RYR1: variants seen among roughly 807,000 people sequenced by gnomAD.
RYR1 encodes the protein ryanodine receptor 1.
In RYR1, 342 loss-of-function variants were observed where a neutral mutation model predicts 583.5. That is an observed-to-expected ratio of 0.59 (90% CI 0.54 to 0.64). The LOEUF (loss-of-function observed/expected upper bound fraction) is 0.64. Ranked by LOEUF, RYR1 falls within the 30% of genes least tolerant of loss-of-function variation. The pLI, the probability that RYR1 is intolerant of heterozygous loss-of-function variation, is 0.00. For synonymous variants in RYR1, 2,791 were observed against 2,822.5 expected, an observed-to-expected ratio of 0.99 and a Z score of 0.35; for missense variants, 6,032 against 6,917.2, an observed-to-expected ratio of 0.87 and a Z score of 4.54.
rs1346649518 is a variant in RYR1 at position 38,442,406 on chromosome 19, C to A, written c.223C>A (p.Arg75=). 6.2e-7 allele frequency: 1 copy of A among 1,613,246 alleles called. No individual in the cohort carries two copies. Among genetic ancestry groups the A allele is most frequent in the African/African-American group, 1.3e-5 (1 of 74,720 alleles). ...CFVLEQSLSV[R]ALQEMLANTV... Reference sequence around the variant, plus strand: ...CGTCCTGGAGCAGTCCCTGTCTGTGCGAGCCCTGCAGGAGATGCTGGCTAA... The same window carrying A: ...CGTCCTGGAGCAGTCCCTGTCTGTGAGAGCCCTGCAGGAGATGCTGGCTAA... The change falls in exon 3 of 106, where the codon CGA becomes AGA. Residue 75 remains arginine, a synonymous_variant. Coordinates refer to ENST00000359596, the MANE Select transcript of RYR1 (RefSeq NM_000540.3).
At position 38,469,002 on chromosome 19, in the gene RYR1, C is replaced by T. The variant is rs193922776; in HGVS notation, c.3418C>T (p.Arg1140Cys). 14 of 1,614,024 alleles carry T rather than the reference C, an allele frequency of 8.7e-6. No individual in the cohort carries two copies. The highest frequency in any genetic ancestry group is 8.3e-5 in the Admixed American group (5 of 59,994). The part of the protein sequence containing the change: ...RWHLGSEPFG[R>C]PWQPGDVVGC... ...GCACTTGGGCAGTGAACCATTTGGG[C>T]GCCCCTGGCAGCCGGGCGATGTCGT... is the stretch of plus-strand genomic sequence containing the variant. Residue 1140 changes from arginine to cysteine, a missense_variant, in exon 26 of 106, where the codon CGC becomes TGC. By Grantham distance (180) the Arg-to-Cys change is radical (BLOSUM62 -3). Transcript: ENST00000359596.
At position 38,451,846 on chromosome 19, in the gene RYR1, T is replaced by C. The variant is rs118192117; in HGVS notation, c.1205T>C (p.Met402Thr). Residue 402 changes from methionine to threonine, a missense_variant, in exon 12 of 106, where the codon ATG (methionine) becomes ACG (threonine). Around this residue, in one of 11 missense-constraint regions of RYR1, gnomAD observed 2,627 missense variants for 2,961.3 expected, o/e 0.89. Coordinates refer to ENST00000359596, the MANE Select transcript of RYR1 (RefSeq NM_000540.3). The stretch of plus-strand genomic sequence containing the variant: ...CAGGAGGAGTCCCAGGCCGCCCGCA[T>C]GATCCACAGCACCAATGGCCTATAC... ...CQQEESQAAR[M>T]IHSTNGLYNQ... The C allele has an allele frequency of 4.3e-6, 7 of 1,614,118 alleles. No individual in the cohort carries two copies. Among genetic ancestry groups the C allele is most frequent in the Non-Finnish European group, 5.9e-6 (7 of 1,180,016 alleles).
At chr19:38,584,723 C>G (rs1345860456) in intron 101 of RYR1, among the ~76,000 whole-genome samples, 1 of 148,748 alleles carries the variant, frequency 6.7e-6, no homozygotes, top group Non-Finnish European at 1.5e-5. Flanking sequence ...GCCCCACACC[C>G]AACCTGGCCC....
chr19:38,456,343 A>G (rs1967390342), intron 16 of RYR1, among the ~76,000 whole-genome samples: 1 of 129,842 alleles, frequency 7.7e-6, no homozygotes, highest in Non-Finnish European at 1.6e-5. Flanking sequence ...GTGCAGTGGC[A>G]TGATCTCAGC....
rs566843732 is a variant in RYR1 at position 38,550,907 on chromosome 19, C to T, written c.12282+2487C>T. Among the ~76,000 whole-genome samples the T allele has an allele frequency of 2.4e-4, 37 of 151,950 alleles. No homozygotes were observed. In the South Asian group the frequency reaches 3.5e-3, roughly 15 times the overall value. On this transcript the variant is annotated intron_variant, in intron 89 of 105. Transcript: ENST00000359596. Reference sequence around the variant, plus strand: ...CTGACAAATGGTGGTTTTCTCATTTCGCCGTATGCTTTACCATCACTAGGC... The same window carrying T: ...CTGACAAATGGTGGTTTTCTCATTTTGCCGTATGCTTTACCATCACTAGGC...
chr19:38,450,548 TTGAAATGCAGGGGGTTCCATGG>T (rs1397171621), intron 11 of RYR1, among the ~76,000 whole-genome samples: 5 of 151,838 alleles, frequency 3.3e-5, no homozygotes, highest in Admixed American at 6.6e-5. Flanking sequence ...GAAAAATGGG[TTGAAATGCAGGGGGTTCCATGG>T]TGAAATGCAG....
chr19:38,456,868 A>G (rs185508019), intron 16 of RYR1, among the ~76,000 whole-genome samples: 37 of 151,052 alleles, frequency 2.4e-4, no homozygotes, highest in Middle Eastern at 3.5e-3. Context: ...AATGCGGTGA[A>G]ACCCTGTCTC....
intron 42 of RYR1, 103 bp downstream of exon 42, chr19:38,497,057 T>C: frequency 1.0e-6 from 1 of 958,558 alleles, no homozygotes. Flanking sequence ...GGGGGGCAAT[T>C]CTGGATGGTC....
intron 22 of RYR1, among the ~76,000 whole-genome samples, chr19:38,464,298 AAAAAAAAAAAAG>A: frequency 1.3e-5 from 2 of 149,620 alleles, no homozygotes; most frequent in African/African-American, 4.9e-5. Flanking sequence ...AAAAAAAAAA[AAAAAAAAAAAAG>A]AAGCAAACGG....
At position 38,469,111 on chromosome 19, in the gene RYR1, C is replaced by T. The variant is rs549201486; in HGVS notation, c.3527C>T (p.Thr1176Ile). 3.5e-5 allele frequency: 56 copies of T among 1,614,216 alleles called. No individual in the cohort carries two copies. The South Asian group carries it at 5.1e-4, about 15-fold the overall frequency. Residue 1176 changes from threonine (T) to isoleucine (I), a missense_variant, in exon 26 of 106, where the codon ACA (threonine) becomes ATA (isoleucine). Physicochemically the swap from Thr to Ile is moderately conservative, Grantham distance 89 (BLOSUM62 -1). Coordinates refer to ENST00000359596, the MANE Select transcript of RYR1 (RefSeq NM_000540.3). The part of the protein sequence containing the change: ...EVLMSDSGSE[T>I]AFREIEIGDG... Reference sequence around the variant, plus strand: ...CTCATGTCTGACTCAGGCTCCGAAACAGCCTTCCGGGAGATTGAGATTGGG... The same window carrying T: ...CTCATGTCTGACTCAGGCTCCGAAATAGCCTTCCGGGAGATTGAGATTGGG...
intron 13 of RYR1, among the ~76,000 whole-genome samples, chr19:38,454,692 A>G (rs1967268102): frequency 6.6e-6 from 1 of 152,194 alleles, no homozygotes; most frequent in Non-Finnish European, 1.5e-5. Flanking sequence ...TTTATAGAAC[A>G]TAACTATGAA....
Position 38,433,825 on chromosome 19 carries a change from A to T in RYR1, c.-5A>T. The T allele has an allele frequency of 6.5e-7, 1 of 1,527,348 alleles. No individual in the cohort carries two copies. The highest frequency in any genetic ancestry group is 1.1e-5 in the South Asian group (1 of 89,936). The allele number at this position is 1,527,348 out of a possible 1,614,324, so 94.6% of individuals were successfully genotyped here. ...CTCAGACCCTGGGCTTCCGACCTCG[A>T]CATCATGGGTGACGCAGAAGGCGAA... is the stretch of plus-strand genomic sequence containing the variant. On this transcript the variant is annotated 5_prime_UTR_variant, in exon 1 of 106. Transcript: ENST00000359596.
chr19:38,569,234 T>C (rs1164464675), intron 93 of RYR1, among the ~76,000 whole-genome samples: 1 of 152,108 alleles, frequency 6.6e-6, no homozygotes, highest in African/African-American at 2.4e-5. Flanking sequence ...ATGGCCTAGA[T>C]CTGACCTTGT....
chr19:38,458,089 C>T lies in RYR1; in HGVS notation c.1964C>T (p.Thr655Ile). 1 of 1,613,916 alleles carries T rather than the reference C, an allele frequency of 6.2e-7. No individual in the cohort carries two copies. The highest frequency in any genetic ancestry group is 8.5e-7 in the Non-Finnish European group (1 of 1,180,022). The change falls in exon 18 of 106, where the codon ACC becomes ATC. Residue 655 changes from threonine (T) to isoleucine (I), a missense_variant. Transcript: ENST00000359596. ...PNIFVGRAEG[T>I]TQYSKWYFEV... is the part of the protein sequence containing the mutation. The stretch of plus-strand genomic sequence containing the variant: ...ATCTTTGTGGGCCGAGCGGAAGGCA[C>T]CACGCAGTACAGCAAATGGTACTTT...
rs752424933 is a variant in RYR1 at position 38,448,406 on chromosome 19, C to T, written c.852C>T (p.Val284=). 13 of 1,612,876 alleles carry T rather than the reference C, an allele frequency of 8.1e-6. No individual in the cohort carries two copies. In the South Asian group the frequency reaches 1.4e-4, roughly 18 times the overall value. ...RWGQPLRVRH[V]TTGQYLALTE... is the part of the protein sequence containing the mutation. ...GCCAGCCACTCCGAGTCCGGCATGTCACTACCGGGCAGTACCTAGCGCTCA... is the reference window on the plus strand; with the variant it reads ...GCCAGCCACTCCGAGTCCGGCATGTTACTACCGGGCAGTACCTAGCGCTCA... Residue 284 remains valine, a synonymous_variant, in exon 10 of 106, where the codon GTC becomes GTT. Coordinates refer to ENST00000359596, the MANE Select transcript of RYR1 (RefSeq NM_000540.3).
At position 38,492,532 on chromosome 19, in the gene RYR1, C is replaced by T. The variant is rs1449491974; in HGVS notation, c.6170C>T (p.Thr2057Ile). 7 of 1,614,108 alleles carry T rather than the reference C, an allele frequency of 4.3e-6. No individual in the cohort carries two copies. The highest frequency in any genetic ancestry group is 5.1e-6 in the Non-Finnish European group (6 of 1,179,986). Residue 2057 changes from threonine to isoleucine, a missense_variant, in exon 38 of 106, where the codon ACC becomes ATC. Thr to Ile is a moderately conservative substitution (Grantham distance 89). Transcript: ENST00000359596. ...DGEEEEPEEETTLGSRLMSLL... is the reference protein window; with the variant it reads ...DGEEEEPEEEITLGSRLMSLL... The stretch of plus-strand genomic sequence containing the variant: ...GAGGAGGAGGAACCAGAGGAAGAGA[C>T]CACCCTGGGCAGCCGCCTCATGAGC...
At chr19:38,566,018 A>AAGGGCCGGGGAGAGAGAGTGC (rs1973406935) in intron 91 of RYR1, among the ~76,000 whole-genome samples, 1 of 151,844 alleles carries the variant, frequency 6.6e-6, no homozygotes. Flanking sequence ...GACCTGGAGA[A>AAGGGCCGGGGAGAGAGAGTGC]AGGGCCGGGG....
intron 49 of RYR1, among the ~76,000 whole-genome samples, chr19:38,503,224 C>T (rs187900242): frequency 4.6e-5 from 7 of 152,284 alleles, no homozygotes; most frequent in African/African-American, 1.7e-4. Context: ...AGCCAGCCCC[C>T]GCTTCAATTA....
chr19:38,440,688 AGTATTTGTG>A, intron 1 of RYR1, 48 bp from the exon 2 acceptor site: 2 of 1,590,084 alleles, frequency 1.3e-6, no homozygotes, highest in Non-Finnish European at 1.7e-6. Context: ...TGTGGTCTGC[AGTATTTGTG>A]GTATCCGGGC....
Sources: allele counts gnomAD v4.1 joint callset (sites outside exome capture counted in the v4.1 genomes callset), GRCh38; gene constraint gnomAD v4.1.1; regional missense constraint gnomAD v4.1.1; transcripts MANE v1.5; gene names NCBI Gene and HGNC (gene_info 2026-07-23, HGNC 2026-07-21).